KDM5A: variants seen among roughly 807,000 people sequenced by gnomAD.
KDM5A encodes lysine demethylase 5A, also known as lysine-specific demethylase 5A.
Under a neutral mutation model 193.5 loss-of-function variants are expected in KDM5A, and 42 were observed. The observed-to-expected ratio is 0.22, with a 90% CI of 0.17 to 0.28. The LOEUF is 0.28. Among genes scored for constraint, KDM5A ranks in the 10% least tolerant of loss-of-function variants. The probability of loss-of-function intolerance (pLI) is 1.00; values close to 1 mark genes in which losing one functional copy is unlikely to be tolerated. For missense variants in KDM5A, 1,692 were observed against 2,055.1 expected, an observed-to-expected ratio of 0.82 and a Z score of 3.42; for synonymous variants, 796 against 718.1, an observed-to-expected ratio of 1.11 and a Z score of -1.73.
chr12:296,224 G>A (rs1431741674), intron 25 of KDM5A, among the ~76,000 whole-genome samples: 1 of 151,874 alleles, frequency 6.6e-6, no homozygotes, highest in East Asian at 1.9e-4. Context: ...GGGAGGCTGA[G>A]GGTAGGACAA....
chr12:342,623 C>T (rs2137436755), intron 10 of KDM5A, among the ~76,000 whole-genome samples: 1 of 152,004 alleles, frequency 6.6e-6, no homozygotes, highest in Admixed American at 6.5e-5. Flanking sequence ...CCACGCCCAG[C>T]TAATTTTTGT....
At chr12:314,475 G>A (rs1174677294) in intron 19 of KDM5A, among the ~76,000 whole-genome samples, 2 of 152,064 alleles carry the variant, frequency 1.3e-5, no homozygotes, top group South Asian at 2.1e-4. Flanking sequence ...GATTACAGGC[G>A]TGAGCCACTG....
chr12:356,574 G>T, intron 5 of KDM5A, 37 bp from the exon 6 acceptor site: 2 of 1,258,524 alleles, frequency 1.6e-6, no homozygotes, highest in Non-Finnish European at 1.2e-6. Flanking sequence ...GCATAATCAT[G>T]CTGATTCATG....
At position 295,807 on chromosome 12, in the gene KDM5A, T is replaced by C. The variant is rs369611554; in HGVS notation, c.4235-14A>G. 2 of 1,611,692 alleles carry C rather than the reference T, an allele frequency of 1.2e-6. No individual in the cohort carries two copies. The highest frequency in any genetic ancestry group is 2.7e-5 in the African/African-American group (2 of 74,926). On this transcript the variant is annotated splice_polypyrimidine_tract_variant and intron_variant, in intron 25 of 27. Transcript: ENST00000399788. ...GGGTGCTAGAACCTTTCCCAAAAAA[T>C]ACCATAAAACAAAGCAAAAAAAATT...
chr12:332,971 T>C (rs1445210730), intron 12 of KDM5A: 1 of 166,920 alleles, frequency 6.0e-6, no homozygotes, highest in African/African-American at 2.4e-5. Flanking sequence ...TAAAGAATGA[T>C]TCATACTTTA....
At chr12:369,181 A>C (rs970711074) in intron 3 of KDM5A, among the ~76,000 whole-genome samples, 6 of 152,286 alleles carry the variant, frequency 3.9e-5, no homozygotes, top group Middle Eastern at 3.4e-3. Flanking sequence ...TCAAACAATC[A>C]ATCAGGGGAA....
chr12:331,443 GTC>G (rs921459827), intron 13 of KDM5A, among the ~76,000 whole-genome samples: 5 of 152,040 alleles, frequency 3.3e-5, no homozygotes, highest in African/African-American at 1.2e-4. Context: ...AGTTCAAACA[GTC>G]TCTCTCTTCT....
intron 3 of KDM5A, among the ~76,000 whole-genome samples, chr12:378,776 G>C (rs1028319095): frequency 4.0e-5 from 6 of 150,286 alleles, no homozygotes; most frequent in Non-Finnish European, 8.8e-5. Flanking sequence ...GGCTAACAGG[G>C]TGAAACCCCG....
At chr12:296,791 G>C (rs1393634597) in intron 25 of KDM5A, among the ~76,000 whole-genome samples, 1 of 152,182 alleles carries the variant, frequency 6.6e-6, no homozygotes, top group Non-Finnish European at 1.5e-5. Context: ...CTGAGGCATG[G>C]GACTAGATGG....
chr12:335,764 G>T (rs1943922295), intron 10 of KDM5A, among the ~76,000 whole-genome samples: 2 of 152,038 alleles, frequency 1.3e-5, no homozygotes, highest in Admixed American at 1.3e-4. Context: ...GAGGCGGGCT[G>T]GGCACGGTGG....
At chr12:300,281 A>G (rs1416387224) in intron 24 of KDM5A, among the ~76,000 whole-genome samples, 2 of 152,174 alleles carry the variant, frequency 1.3e-5, no homozygotes, top group African/African-American at 4.8e-5. Flanking sequence ...CCATAATTGG[A>G]AGTAAAACAC....
rs780962551 is a variant in KDM5A at position 307,905 on chromosome 12, T to A, written c.3479A>T (p.Glu1160Val). Residue 1160 changes from glutamate (E) to valine (V), a missense_variant, in exon 23 of 28, where the codon GAA (glutamate) becomes GTA (valine). Physicochemically the swap from Glu to Val is moderately radical, Grantham distance 121. Coordinates refer to ENST00000399788, the MANE Select transcript of KDM5A (RefSeq NM_001042603.3). The surrounding 1 kb of genome is among the most constrained non-coding windows in gnomAD (Gnocchi z 4.3). ...AKMTMVDRIE[E>V]VKFCICRKTA... Reference sequence around the variant, plus strand: ...CTTGCGGCAAATGCAAAATTTTACTTCTTCTATGCGGTCCACCATTGTCAT... The same window carrying A: ...CTTGCGGCAAATGCAAAATTTTACTACTTCTATGCGGTCCACCATTGTCAT... 5.6e-6 allele frequency: 9 copies of A among 1,613,932 alleles called. No individual in the cohort carries two copies. Among genetic ancestry groups the A allele is most frequent in the Non-Finnish European group, 6.8e-6 (8 of 1,180,006 alleles).
chr12:338,356 T>C (rs1456836194), intron 10 of KDM5A, among the ~76,000 whole-genome samples: 1 of 152,228 alleles, frequency 6.6e-6, no homozygotes, highest in Non-Finnish European at 1.5e-5. Context: ...ATAACAGCCT[T>C]CGGCACTGAG....
intron 18 of KDM5A, 141 bp downstream of exon 18, chr12:320,854 A>C: frequency 1.5e-6 from 1 of 678,456 alleles, no homozygotes. Flanking sequence ...TGCCTACTAA[A>C]GAACCTCAAA....
At chr12:355,444 T>C (rs757148704) in intron 6 of KDM5A, among the ~76,000 whole-genome samples, 195 bp from the exon 7 acceptor site, 28 of 152,184 alleles carry the variant, frequency 1.8e-4, no homozygotes, top group Non-Finnish European at 3.7e-4. Context: ...CTCAAAATCA[T>C]ACAGCAAGGC....
chr12:388,233 C>T (rs767242482), intron 1 of KDM5A: 1 of 454,476 alleles, frequency 2.2e-6, no homozygotes, highest in South Asian at 1.6e-5. Flanking sequence ...TTTTCCTTAC[C>T]TCAAAGGTGA....
At chr12:327,186 C>T (rs1473557478) in intron 14 of KDM5A, among the ~76,000 whole-genome samples, 1 of 152,072 alleles carries the variant, frequency 6.6e-6, no homozygotes. Flanking sequence ...CAAAGTAGCA[C>T]AAAGAAACAT....
intron 10 of KDM5A, among the ~76,000 whole-genome samples, chr12:336,118 G>A (rs1362134287): frequency 6.6e-6 from 1 of 151,490 alleles, no homozygotes; most frequent in African/African-American, 2.4e-5. Context: ...CAGCACTTTG[G>A]GAGGTCATGG....
Position 307,356 on chromosome 12 carries a change from T to C in KDM5A, c.3930+98A>G. 2 of 1,321,178 alleles carry C rather than the reference T, an allele frequency of 1.5e-6. No homozygotes were observed. The highest frequency in any genetic ancestry group is 2.4e-5 in the South Asian group (2 of 83,320). 81.8% of individuals were successfully genotyped at this position (1,321,178 alleles called of 1,614,324 possible). On this transcript the variant is annotated intron_variant, in intron 23 of 27. Coordinates refer to ENST00000399788, the MANE Select transcript of KDM5A (RefSeq NM_001042603.3). This position sits in a 1 kb window ranked among gnomAD's most constrained non-coding sequence, Gnocchi z 4.3. ...CAATGGATAATTGCTGACAAGTTAC[T>C]GTTATTTTCCTAATCAATTGGTAAG...
Sources: gnomAD v4.1 joint callset for allele counts (sites outside exome capture counted in the v4.1 genomes callset) on GRCh38, gnomAD v4.1.1 for gene constraint, Gnocchi (gnomAD v3.1) non-coding constraint, MANE v1.5 for transcripts, NCBI Gene and HGNC (gene_info 2026-07-23, HGNC 2026-07-21) for gene names.